INPP4B: variants seen among roughly 807,000 people sequenced by gnomAD.
INPP4B encodes inositol polyphosphate-4-phosphatase type II B, also known as inositol polyphosphate 4-phosphatase type II.
In INPP4B, 55 loss-of-function variants were observed where a neutral mutation model predicts 122.5. The observed-to-expected ratio is 0.45, with a 90% confidence interval of 0.36 to 0.56. INPP4B has a LOEUF of 0.56. Among genes scored for constraint, INPP4B ranks in the 20% least tolerant of loss-of-function variants. The probability of loss-of-function intolerance (pLI) is 0.00; values close to 1 mark genes in which losing one functional copy is unlikely to be tolerated. For missense variants in INPP4B, 1,000 were observed against 1,097.7 expected (o/e 0.91, Z 1.26); for synonymous variants, 403 against 388.7 (o/e 1.04, Z -0.43).
chr4:142,232,111 T>A (rs13109869), intron 12 of INPP4B, among the ~76,000 whole-genome samples: 1 of 152,102 alleles, frequency 6.6e-6, no homozygotes, highest in Non-Finnish European at 1.5e-5. Context: ...TATCTTGCCC[T>A]TTAAGAAAAA....
chr4:142,152,897 T>C (rs1815061471), intron 17 of INPP4B, among the ~76,000 whole-genome samples: 1 of 152,220 alleles, frequency 6.6e-6, no homozygotes, highest in Non-Finnish European at 1.5e-5. Context: ...TATAAGTGCC[T>C]ATACCACTGT....
intron 11 of INPP4B, among the ~76,000 whole-genome samples, chr4:142,259,686 A>T (rs1738703951): frequency 6.6e-6 from 1 of 151,966 alleles, no homozygotes; most frequent in African/African-American, 2.4e-5. Flanking sequence ...CTTTTAAAAC[A>T]TTTAGCTGAA....
intron 5 of INPP4B, among the ~76,000 whole-genome samples, 190 bp from the exon 6 acceptor site, chr4:142,405,514 TTG>T (rs1562028083): frequency 6.6e-6 from 1 of 152,134 alleles, no homozygotes; most frequent in East Asian, 1.9e-4. Flanking sequence ...TGGAGCTGAA[TTG>T]AGAGTTCATT....
intron 21 of INPP4B, among the ~76,000 whole-genome samples, chr4:142,115,778 A>C (rs967791330): frequency 6.6e-5 from 10 of 152,180 alleles, no homozygotes; most frequent in African/African-American, 2.2e-4. Context: ...ACCAGCTAAC[A>C]TCATAATGAC....
chr4:142,516,426 T>C (rs1034533729), intron 2 of INPP4B, among the ~76,000 whole-genome samples: 1 of 152,180 alleles, frequency 6.6e-6, no homozygotes, highest in Non-Finnish European at 1.5e-5. Context: ...GGTTCATTTA[T>C]TCATTACTCC....
chr4:142,354,731 T>C (rs1783015583), intron 7 of INPP4B, among the ~76,000 whole-genome samples: 1 of 152,072 alleles, frequency 6.6e-6, no homozygotes, highest in African/African-American at 2.4e-5. Context: ...ATTTTAGATG[T>C]TATTATGTGC....
chr4:142,160,668 G>T, intron 16 of INPP4B, 107 bp from the exon 17 acceptor site: 1 of 714,052 alleles, frequency 1.4e-6, no homozygotes, highest in South Asian at 2.6e-5. Context: ...TGTGTATGGT[G>T]GAAAAAGTAC....
At chr4:142,679,254 A>C (rs1377610446) in intron 2 of INPP4B, among the ~76,000 whole-genome samples, 1 of 151,900 alleles carries the variant, frequency 6.6e-6, no homozygotes, top group Non-Finnish European at 1.5e-5. Context: ...GCAAGTGAGG[A>C]AAACATCTAT....
At chr4:142,403,720 T>G (rs1802402373) in intron 6 of INPP4B, among the ~76,000 whole-genome samples, 1 of 152,174 alleles carries the variant, frequency 6.6e-6, no homozygotes, top group Non-Finnish European at 1.5e-5. Flanking sequence ...CCGAATATCA[T>G]GGAGATGTTT....
At chr4:142,535,984 A>T (rs1258071965) in intron 2 of INPP4B, among the ~76,000 whole-genome samples, 1 of 152,000 alleles carries the variant, frequency 6.6e-6, no homozygotes, top group Non-Finnish European at 1.5e-5. Context: ...CTGGCCTTAG[A>T]CTTAGGCAAG....
rs1561090789 is a variant in INPP4B at position 142,806,761 on chromosome 4, AAAGAAGAAAGAAAGAAAGAAAGAAG to A, written c.-254+39423_-254+39447del. The stretch of plus-strand genomic sequence containing the variant: ...CCTGTTAAAAAAAAAGAAGAAGAAG[AAAGAAGAAAGAAAGAAAGAAAGAAG>A]GAAAGAAAGAAAGAAAGAAAGAAAG... On this transcript the variant is annotated intron_variant, in intron 1 of 25. Coordinates refer to ENST00000262992, the MANE Select transcript of INPP4B (RefSeq NM_001101669.3). 3.7e-3 allele frequency among the ~76,000 whole-genome samples: 450 copies of A among 121,110 alleles called. 3 individuals are homozygous for A. Among genetic ancestry groups the A allele is most frequent in the African/African-American group, 0.014 (412 of 29,484 alleles). The allele number at this position is 121,110 out of a possible 152,430, so 79.5% of individuals were successfully genotyped here.
intron 9 of INPP4B, among the ~76,000 whole-genome samples, chr4:142,294,829 C>CAAAA (rs57430432): frequency 0.061 from 1,728 of 28,470 alleles, 492 homozygotes; most frequent in East Asian, 0.29. Flanking sequence ...GACTCCGTCT[C>CAAAA]AAAAAAAAAA....
chr4:142,464,668 C>CA (rs1294386757), intron 2 of INPP4B, among the ~76,000 whole-genome samples: 4 of 151,372 alleles, frequency 2.6e-5, no homozygotes, highest in Admixed American at 1.3e-4. Flanking sequence ...CACTTAGTTG[C>CA]AACTAAAGAA....
chr4:142,082,472 G>C (rs890384648), intron 24 of INPP4B, among the ~76,000 whole-genome samples: 4 of 152,242 alleles, frequency 2.6e-5, no homozygotes, highest in African/African-American at 9.6e-5. Flanking sequence ...ACTACCCAAG[G>C]GGGGTGCCTG....
At chr4:142,784,181 GGTGAAACCCC>G (rs1209875469) in intron 1 of INPP4B, among the ~76,000 whole-genome samples, 2 of 151,826 alleles carry the variant, frequency 1.3e-5, no homozygotes, top group Admixed American at 6.6e-5. Context: ...TGGCCAACAT[GGTGAAACCCC>G]GTCTCTACTA....
At chr4:142,538,166 CT>C (rs1828511440) in intron 2 of INPP4B, among the ~76,000 whole-genome samples, 1 of 152,008 alleles carries the variant, frequency 6.6e-6, no homozygotes, top group Non-Finnish European at 1.5e-5. Flanking sequence ...CACCTAAATC[CT>C]CATGTAAGTG....
In INPP4B at chr4:142,270,771, A is replaced by T; in HGVS notation, c.507T>A (p.Thr169=). The change falls in exon 10 of 26, where the codon ACT becomes ACA. Residue 169 remains threonine, a synonymous_variant. Transcript: ENST00000262992. Reference sequence around the variant, plus strand: ...TGCCAACCACTTTGCCACCATCTGAAGTTCTGCAACAAAAAATACACGAAA... The same window carrying T: ...TGCCAACCACTTTGCCACCATCTGATGTTCTGCAACAAAAAATACACGAAA... ...KEQLLVLSLR[T]SDGGKVVGTI... 1.9e-6 allele frequency: 3 copies of T among 1,606,816 alleles called. No individual in the cohort carries two copies. The highest frequency in any genetic ancestry group is 8.5e-7 in the Non-Finnish European group (1 of 1,173,502).
At chr4:142,523,728 A>C (rs543972454) in intron 2 of INPP4B, among the ~76,000 whole-genome samples, 34 of 151,168 alleles carry the variant, frequency 2.2e-4, no homozygotes, top group South Asian at 1.1e-3. Flanking sequence ...ACATATGTAT[A>C]CATGTGCCAC....
At chr4:142,670,246 G>A (rs1360615487) in intron 2 of INPP4B, among the ~76,000 whole-genome samples, 1 of 152,048 alleles carries the variant, frequency 6.6e-6, no homozygotes, top group African/African-American at 2.4e-5. Flanking sequence ...AGATAAGGGA[G>A]GACTGCTGTA....
Sources: allele counts gnomAD v4.1 joint callset (sites outside exome capture counted in the v4.1 genomes callset), GRCh38; gene constraint gnomAD v4.1.1; transcripts MANE v1.5; gene names NCBI Gene and HGNC (gene_info 2026-07-23, HGNC 2026-07-21).